The following LAMC3 variants were observed in gnomAD, a reference collection of about 807,000 sequenced individuals.
LAMC3 encodes the protein laminin subunit gamma-3.
A neutral mutation model predicts 173.8 loss-of-function variants in LAMC3; 128 were observed. The ratio of observed to expected loss-of-function variants is 0.74; its 90% CI spans 0.64 to 0.85. The LOEUF is 0.85. LAMC3 is among the 40% of genes least tolerant of loss of function. The pLI is 0.00. For missense variants in LAMC3, 2,022 were observed against 2,156.0 expected (o/e 0.94, Z 1.23); for synonymous variants, 897 against 909.1 (o/e 0.99, Z 0.24).
intron 6 of LAMC3, among the ~76,000 whole-genome samples, chr9:131,040,575 GA>G (rs1245386055): frequency 2.0e-5 from 3 of 152,156 alleles, no homozygotes; most frequent in Non-Finnish European, 4.4e-5. Flanking sequence ...GGAGAGCTCT[GA>G]TTCCTTGTAA....
chr9:131,023,862 G>A (rs1044604476), intron 1 of LAMC3, among the ~76,000 whole-genome samples: 2 of 152,082 alleles, frequency 1.3e-5, no homozygotes, highest in African/African-American at 2.4e-5. Flanking sequence ...TCCTTTGTCA[G>A]TTTTTAATTG....
Position 131,009,654 on chromosome 9 carries a change from A to T in LAMC3, c.373+67A>T, listed in dbSNP as rs1037075498. On this transcript the variant is annotated intron_variant, in intron 1 of 27. Transcript: ENST00000361069. The surrounding 1 kb of genome is among the most constrained non-coding windows in gnomAD (Gnocchi z 4.3). ...CCACTCCACTGGGGGTCTGAGGCTG[A>T]GGCCTGAGCTGCTGTGCGCCCAGGT... 6 of 1,528,262 alleles carry T rather than the reference A, an allele frequency of 3.9e-6. No homozygotes were observed. The South Asian group carries it at 6.0e-5, about 15-fold the overall frequency. 94.7% of individuals were successfully genotyped at this position (1,528,262 alleles called of 1,614,324 possible).
intron 1 of LAMC3, among the ~76,000 whole-genome samples, chr9:131,012,140 G>A (rs1281682934): frequency 1.3e-5 from 2 of 151,778 alleles, no homozygotes; most frequent in Non-Finnish European, 2.9e-5. Context: ...TTTTGTCGCC[G>A]AAAACCAGGC....
At chr9:131,031,737 C>G (rs1279720105) in intron 2 of LAMC3, among the ~76,000 whole-genome samples, 1 of 152,210 alleles carries the variant, frequency 6.6e-6, no homozygotes. Flanking sequence ...AGCACTGATA[C>G]TTGCTACCCT....
At chr9:131,081,447 C>CTCCATCCCTCCA (rs1463008432) in intron 23 of LAMC3, among the ~76,000 whole-genome samples, 5 of 147,316 alleles carry the variant, frequency 3.4e-5, no homozygotes, top group African/African-American at 1.0e-4. Context: ...CCCTCCCTCC[C>CTCCATCCCTCCA]TCCCTCCCTC....
intron 1 of LAMC3, among the ~76,000 whole-genome samples, chr9:131,018,579 C>G (rs1379845179): frequency 1.3e-5 from 2 of 152,198 alleles, no homozygotes; most frequent in Non-Finnish European, 2.9e-5. Flanking sequence ...TCATCCTTGA[C>G]TGTTAGCTGG....
chr9:131,010,414 G>A (rs962121947), intron 1 of LAMC3, among the ~76,000 whole-genome samples: 18 of 152,236 alleles, frequency 1.2e-4, no homozygotes, highest in Admixed American at 4.6e-4. Flanking sequence ...GGTGCCCCGT[G>A]GGGCGGGAGA....
intron 20 of LAMC3, among the ~76,000 whole-genome samples, chr9:131,073,679 T>A (rs1830075972): frequency 6.6e-6 from 1 of 152,064 alleles, no homozygotes; most frequent in South Asian, 2.1e-4. Flanking sequence ...ACTGTATAAT[T>A]CAGTGGTTTC....
At chr9:131,083,865 C>CTTTT (rs61109597) in intron 24 of LAMC3, among the ~76,000 whole-genome samples, 1 of 49,218 alleles carries the variant, frequency 2.0e-5, no homozygotes, top group African/African-American at 9.0e-5. Context: ...GTAATAAGTG[C>CTTTT]TTTTTTTTTT....
intron 3 of LAMC3, among the ~76,000 whole-genome samples, chr9:131,034,148 G>C (rs1000497365): frequency 6.6e-6 from 1 of 152,214 alleles, no homozygotes; most frequent in African/African-American, 2.4e-5. Flanking sequence ...GGGGCAGGCT[G>C]CTCATGGCAG....
At chr9:131,032,977 T>C (rs1011236600) in intron 3 of LAMC3, among the ~76,000 whole-genome samples, 5 of 152,204 alleles carry the variant, frequency 3.3e-5, no homozygotes, top group African/African-American at 1.2e-4. Context: ...CCCTTTCTAG[T>C]ATAGGGGTGT....
chr9:131,022,101 G>A (rs1564364337), intron 1 of LAMC3, among the ~76,000 whole-genome samples: 1 of 152,154 alleles, frequency 6.6e-6, no homozygotes, highest in Non-Finnish European at 1.5e-5. Flanking sequence ...ACTTTAGAGT[G>A]AAAGGAGGGC....
chr9:131,078,282 G>A lies in LAMC3; in HGVS notation c.3778-867G>A, dbSNP rs1435602388. Reference sequence around the variant, plus strand: ...TGAGGCGGGCGGATCACGAGATCAGGAGATCGAGACCATCCTGGCTAACAT... The same window carrying A: ...TGAGGCGGGCGGATCACGAGATCAGAAGATCGAGACCATCCTGGCTAACAT... On this transcript the variant is annotated intron_variant, in intron 22 of 27. Coordinates refer to ENST00000361069, the MANE Select transcript of LAMC3 (RefSeq NM_006059.4). Among the ~76,000 whole-genome samples, 4 of 152,124 alleles carry A rather than the reference G, an allele frequency of 2.6e-5. No homozygotes were observed. In the East Asian group the frequency reaches 7.7e-4, roughly 29 times the overall value.
At chr9:131,089,887 C>T (rs1031786940) in intron 27 of LAMC3, among the ~76,000 whole-genome samples, 21 of 152,188 alleles carry the variant, frequency 1.4e-4, no homozygotes, top group African/African-American at 2.2e-4. Context: ...CACTCTTTGA[C>T]GCAAGGACAG....
chr9:131,029,055 C>T lies in LAMC3; in HGVS notation c.678+2466C>T, dbSNP rs540575499. On this transcript the variant is annotated intron_variant, in intron 2 of 27. Coordinates refer to ENST00000361069, the MANE Select transcript of LAMC3 (RefSeq NM_006059.4). The surrounding 1 kb of genome is among the most constrained non-coding windows in gnomAD (Gnocchi z 4.6). ...TCTCCAGCCCCTCCAGAGGTGAAGC[C>T]GATTCTGTGTGGCCCGAGGCCCCCA... 2.0e-5 allele frequency among the ~76,000 whole-genome samples: 3 copies of T among 152,302 alleles called. No individual in the cohort carries two copies. The highest frequency in any genetic ancestry group is 2.9e-5 in the Non-Finnish European group (2 of 68,034).
At chr9:131,049,939 A>G (rs1166240360) in intron 9 of LAMC3, among the ~76,000 whole-genome samples, 1 of 152,178 alleles carries the variant, frequency 6.6e-6, no homozygotes, top group East Asian at 1.9e-4. Context: ...TGGCTGATTC[A>G]GGACCTGCCA....
Position 131,032,169 on chromosome 9 carries a change from G to A in LAMC3, c.803G>A (p.Gly268Asp). The A allele has an allele frequency of 1.3e-6, 2 of 1,588,638 alleles. No individual in the cohort carries two copies. The highest frequency in any genetic ancestry group is 1.7e-6 in the Non-Finnish European group (2 of 1,163,232). The change falls in exon 3 of 28, where the codon GGC becomes GAC. Residue 268 changes from glycine to aspartate, a missense_variant. Physicochemically the swap from Gly to Asp is moderately conservative, Grantham distance 94 (BLOSUM62 -1). Coordinates refer to ENST00000361069, the MANE Select transcript of LAMC3 (RefSeq NM_006059.4). The part of the protein sequence containing the change: ...YYYAVSDFSV[G>D]GRCKCNGHAS... ...TATGCCGTGTCCGACTTCTCTGTGG[G>A]CGGCAGGTAGGAGGGAGGAGGGAGG...
In LAMC3 at chr9:131,072,796, A is replaced by C. The variant is rs755314801; in HGVS notation, c.3378A>C (p.Glu1126Asp). Reference protein sequence around the residue: ...ADLEAVLESSEEEILHAAAIL... With the variant: ...ADLEAVLESSDEEILHAAAIL... ...TGGAGGCAGTGCTGGAGTCCTCGGAAGAGGAGATTCTGCATGCAGCTGCCA... is the reference window on the plus strand; with the variant it reads ...TGGAGGCAGTGCTGGAGTCCTCGGACGAGGAGATTCTGCATGCAGCTGCCA... The change falls in exon 19 of 28, where the codon GAA (glutamate) becomes GAC (aspartate). Residue 1126 changes from glutamate to aspartate, a missense_variant. Physicochemically the swap from Glu to Asp is conservative, Grantham distance 45 (BLOSUM62 2). Transcript: ENST00000361069. The C allele has an allele frequency of 1.1e-5, 17 of 1,613,166 alleles. No homozygotes were observed. The East Asian group carries it at 2.0e-4, about 19-fold the overall frequency.
intron 1 of LAMC3, among the ~76,000 whole-genome samples, chr9:131,025,578 G>A (rs1833701583): frequency 1.3e-5 from 2 of 152,164 alleles, no homozygotes; most frequent in Non-Finnish European, 2.9e-5. Context: ...GCAAAGGAGA[G>A]GAGAGCAGGT....
Sources: gnomAD v4.1 joint callset for allele counts (sites outside exome capture counted in the v4.1 genomes callset) on GRCh38, gnomAD v4.1.1 for gene constraint, Gnocchi (gnomAD v3.1) non-coding constraint, MANE v1.5 for transcripts, NCBI Gene and HGNC (gene_info 2026-07-23, HGNC 2026-07-21) for gene names.